Variants in DHX33 observed in about 807,000 individuals in gnomAD.
DHX33 encodes the protein DEAH-box helicase 33, also known as ATP-dependent RNA helicase DHX33.
DHX33 carries 42 observed loss-of-function variants against 72.5 expected under a neutral mutation model. The ratio of observed to expected loss-of-function variants is 0.58; its 90% CI spans 0.45 to 0.75. The LOEUF is 0.75. DHX33 is among the 30% of genes least tolerant of loss of function. The pLI, the probability that DHX33 is intolerant of heterozygous loss-of-function variation, is 0.00. For missense variants in DHX33, 842 were observed against 917.5 expected (o/e 0.92, Z 1.06); for synonymous variants, 358 against 366.1 (o/e 0.98, Z 0.25).
At chr17:5,458,620 A>C (rs1904441742) in intron 4 of DHX33, among the ~76,000 whole-genome samples, 1 of 152,102 alleles carries the variant, frequency 6.6e-6, no homozygotes, top group Admixed American at 6.6e-5. Context: ...TAGAACTGTC[A>C]AGAGGTTGGA....
chr17:5,462,618 G>A, intron 2 of DHX33, 72 bp from the exon 3 acceptor site: 1 of 1,075,700 alleles, frequency 9.3e-7, no homozygotes, highest in African/African-American at 1.5e-5. Context: ...ACTAAGTTGG[G>A]CACTTGCACT....
rs1904678279 is a variant in DHX33, at chr17:5,462,360, C to A, written c.637G>T (p.Ala213Ser). The A allele has an allele frequency of 6.2e-7, 1 of 1,614,204 alleles. No homozygotes were observed. Among genetic ancestry groups the A allele is most frequent in the Non-Finnish European group, 8.5e-7 (1 of 1,180,026 alleles). Reference protein sequence around the residue: ...TDVLFGVVKAAQKRRKELGKL... With the variant: ...TDVLFGVVKASQKRRKELGKL... ...CCGAGTTCCTTTCTCCTCTTCTGTG[C>A]AGCTTTCACCACTCCAAAGAGCACA... Residue 213 changes from alanine (A) to serine (S), a missense_variant, in exon 3 of 12, where the codon GCA becomes TCA. Physicochemically the swap from Ala to Ser is moderately conservative, Grantham distance 99. Coordinates refer to ENST00000225296, the MANE Select transcript of DHX33 (RefSeq NM_020162.4).
Position 5,468,575 on chromosome 17 carries a change from G to T in DHX33, c.285C>A (p.Leu95=). ...AQLRNLDNAV[L]IGETGSGKTT... ...CCCGCCGGCGCGGCCACTCACCGAT[G>T]AGGACCGCGTTGTCCAGGTTTCGGA... The change falls in exon 1 of 12, where the codon CTC becomes CTA. Residue 95 remains leucine (L), a synonymous_variant. Coordinates refer to ENST00000225296, the MANE Select transcript of DHX33 (RefSeq NM_020162.4). 6.2e-7 allele frequency: 1 copy of T among 1,607,232 alleles called. No individual in the cohort carries two copies. Among genetic ancestry groups the T allele is most frequent in the Non-Finnish European group, 8.5e-7 (1 of 1,177,748 alleles).
chr17:5,450,971 C>A, intron 8 of DHX33, 37 bp from the exon 9 acceptor site: 1 of 1,594,960 alleles, frequency 6.3e-7, no homozygotes, highest in African/African-American at 1.4e-5. Flanking sequence ...GCCAAAAGTC[C>A]AAAAAAATGA....
chr17:5,442,321 T>C lies in DHX33; in HGVS notation c.*1884A>G, dbSNP rs907250817. 3 of 148,138 alleles carry C rather than the reference T, an allele frequency of 2.0e-5. No individual in the cohort carries two copies. In the Admixed American group the frequency reaches 2.1e-4, roughly 10 times the overall value. 9.2% of individuals were successfully genotyped at this position (148,138 alleles called of 1,614,324 possible). A position where few individuals can be genotyped will look rare whatever the true frequency, so the allele number is the denominator to read the frequency against. The stretch of plus-strand genomic sequence containing the variant: ...AAAATACAATATTTTTCTTACTAAG[T>C]AGGACTAAACATTCTAATCCCCTAC... On this transcript the variant is annotated 3_prime_UTR_variant, in exon 12 of 12. Transcript: ENST00000225296.
chr17:5,448,126 C>T (rs768792343), intron 11 of DHX33, among the ~76,000 whole-genome samples: 31 of 152,140 alleles, frequency 2.0e-4, no homozygotes, highest in African/African-American at 5.3e-4. Context: ...TTGCAGTGAG[C>T]GGAGGCTGTG....
intron 1 of DHX33, among the ~76,000 whole-genome samples, chr17:5,465,942 C>T (rs1007356950): frequency 6.6e-6 from 1 of 152,166 alleles, no homozygotes; most frequent in Non-Finnish European, 1.5e-5. Flanking sequence ...GCCCTGCAGC[C>T]TCTTAGCCTT....
chr17:5,467,502 T>C (rs8067821), intron 1 of DHX33, among the ~76,000 whole-genome samples: 91,084 of 152,078 alleles, frequency 0.6, 30,003 homozygotes, highest in East Asian at 0.97. Context: ...ATCCAAAAGG[T>C]ATCAGCCTAA....
intron 5 of DHX33, 84 bp downstream of exon 5, chr17:5,455,913 G>C: frequency 7.0e-7 from 1 of 1,428,330 alleles, no homozygotes; most frequent in South Asian, 1.3e-5. Context: ...ACCTTATCTG[G>C]AGCCTGGTAA....
At chr17:5,455,950 G>T in intron 5 of DHX33, 47 bp downstream of exon 5, 1 of 1,572,070 alleles carries the variant, frequency 6.4e-7, no homozygotes, top group Admixed American at 1.8e-5. Context: ...TGGTGGATCC[G>T]TCTGGGTGCC....
chr17:5,463,704 G>GAA lies in DHX33; in HGVS notation c.290-17_290-16dup. 42 of 1,346,012 alleles carry GAA rather than the reference G, an allele frequency of 3.1e-5. No homozygotes were observed. The highest frequency in any genetic ancestry group is 2.5e-4 in the Middle Eastern group (1 of 3,970). 83.4% of individuals were successfully genotyped at this position (1,346,012 alleles called of 1,614,324 possible). On this transcript the variant is annotated splice_polypyrimidine_tract_variant and intron_variant, in intron 1 of 11. Transcript: ENST00000225296. ...GCCAGTTTCCCCTAGGAGAGAGGGG[G>GAA]AAAAAAAAAAAAGGCTCACTGAAAT... is the stretch of plus-strand genomic sequence containing the variant.
At chr17:5,451,633 T>C (rs1356136522) in intron 8 of DHX33, among the ~76,000 whole-genome samples, 1 of 152,188 alleles carries the variant, frequency 6.6e-6, no homozygotes, top group Non-Finnish European at 1.5e-5. Flanking sequence ...AGAAGGACAT[T>C]ATTACTATTT....
chr17:5,461,751 G>A lies in DHX33; in HGVS notation c.678+568C>T, dbSNP rs1241322838. ...TTTAGTAGAGACGGGGTTTCACCAC[G>A]TTGGCCAGGCTGGTCTCGATCTCCT... On this transcript the variant is annotated intron_variant, in intron 3 of 11. Transcript: ENST00000225296. Among the ~76,000 whole-genome samples the A allele has an allele frequency of 4.6e-5, 7 of 151,740 alleles. No individual in the cohort carries two copies. In the East Asian group the frequency reaches 7.9e-4, roughly 17 times the overall value.
At chr17:5,458,459 C>A (rs530338651) in intron 4 of DHX33, among the ~76,000 whole-genome samples, 63 of 152,132 alleles carry the variant, frequency 4.1e-4, no homozygotes, top group East Asian at 7.7e-4. Context: ...CAGAAAACAT[C>A]ATAATAGGCC....
In DHX33 at chr17:5,444,399, T is replaced by A; in HGVS notation, c.1930A>T (p.Thr644Ser). 6.2e-7 allele frequency: 1 copy of A among 1,614,226 alleles called. No homozygotes were observed. The highest frequency in any genetic ancestry group is 8.5e-7 in the Non-Finnish European group (1 of 1,180,042). ...ATGGCCACTGGCTGGTGGGTGTCCGTGGTGGCATAGGTGCCATCTGGCTGA... is the reference window on the plus strand; with the variant it reads ...ATGGCCACTGGCTGGTGGGTGTCCGAGGTGGCATAGGTGCCATCTGGCTGA... The part of the protein sequence containing the change: ...ELQPDGTYAT[T>S]DTHQPVAIHP... The change falls in exon 12 of 12, where the codon ACG (threonine) becomes TCG (serine). Residue 644 changes from threonine to serine, a missense_variant. By Grantham distance (58) the Thr-to-Ser change is moderately conservative. Transcript: ENST00000225296. This position sits in a 1 kb window ranked among gnomAD's most constrained non-coding sequence, Gnocchi z 4.9.
chr17:5,450,721 A>C, intron 9 of DHX33, 86 bp downstream of exon 9: 1 of 1,561,238 alleles, frequency 6.4e-7, no homozygotes, highest in Non-Finnish European at 8.7e-7. Flanking sequence ...AGTGAGATTA[A>C]TCTAGAAGCA....
Position 5,450,242 on chromosome 17 carries a change from G to A in DHX33, c.1689C>T (p.Leu563=), listed in dbSNP as rs1193371001. 1.9e-6 allele frequency: 3 copies of A among 1,614,196 alleles called. No individual in the cohort carries two copies. The highest frequency in any genetic ancestry group is 1.1e-5 in the South Asian group (1 of 91,078). Residue 563 remains leucine (L), a synonymous_variant, in exon 10 of 12, where the codon CTC becomes CTT. Transcript: ENST00000225296. The part of the protein sequence containing the change: ...ISSEGDHMTL[L]NIYRTFKNLG... ...GGTTTTTGAAGGTCCGATAGATATT[G>A]AGCAGGGTCATGTGATCCCCCTCGC...
chr17:5,462,262 TACGC>T, intron 3 of DHX33, 53 bp downstream of exon 3: 1 of 1,530,284 alleles, frequency 6.5e-7, no homozygotes, highest in Non-Finnish European at 9.0e-7. Context: ...TTCTGTGTGT[TACGC>T]ATACTTTCAG....
At chr17:5,455,545 C>A (rs1036190348) in intron 5 of DHX33, among the ~76,000 whole-genome samples, 2 of 152,192 alleles carry the variant, frequency 1.3e-5, no homozygotes, top group East Asian at 3.9e-4. Context: ...CGTGGCCCTG[C>A]CAGTGACTTA....
Sources: allele counts gnomAD v4.1 joint callset (sites outside exome capture counted in the v4.1 genomes callset), GRCh38; gene constraint gnomAD v4.1.1; non-coding constraint Gnocchi (gnomAD v3.1); transcripts MANE v1.5; gene names NCBI Gene and HGNC (gene_info 2026-07-23, HGNC 2026-07-21).